RTN4IP1: variants seen among roughly 807,000 people sequenced by gnomAD.
The protein encoded by RTN4IP1 is NAD(P)H oxidoreductase RTN4IP1, mitochondrial.
A neutral mutation model predicts 46.6 loss-of-function variants in RTN4IP1; 32 were observed. The observed-to-expected ratio is 0.69, with a 90% CI of 0.52 to 0.92. The LOEUF (loss-of-function observed/expected upper bound fraction) is 0.92, where lower values mean the gene tolerates loss of function less well. RTN4IP1 is among the 40% of genes least tolerant of loss of function. The pLI, the probability that RTN4IP1 is intolerant of heterozygous loss-of-function variation, is 0.00. For synonymous variants in RTN4IP1, 167 were observed against 161.8 expected (o/e 1.03, Z -0.24); for missense variants, 424 against 485.8 (o/e 0.87, Z 1.20).
rs564927359 is a variant in RTN4IP1 at position 106,592,309 on chromosome 6, C to G, written c.670-9G>C. 2.5e-6 allele frequency: 4 copies of G among 1,599,566 alleles called. No individual in the cohort carries two copies. The highest frequency in any genetic ancestry group is 2.3e-5 in the South Asian group (2 of 87,800). On this transcript the variant is annotated splice_polypyrimidine_tract_variant and intron_variant, in intron 5 of 8. Coordinates refer to ENST00000369063, the MANE Select transcript of RTN4IP1 (RefSeq NM_032730.5). ...TCCCATGCTTTCATTACCTGCCCCC[C>G]ACCAAAAAGAAAAAAAGAATAAAAA... is the stretch of plus-strand genomic sequence containing the variant.
chr6:106,608,252 G>A (rs151007213), intron 4 of RTN4IP1, among the ~76,000 whole-genome samples: 55 of 152,246 alleles, frequency 3.6e-4, no homozygotes, highest in African/African-American at 1.2e-3. Flanking sequence ...TAAATACCAC[G>A]TTTTCACTCA....
intron 4 of RTN4IP1, among the ~76,000 whole-genome samples, chr6:106,614,334 A>G (rs1776297494): frequency 6.6e-6 from 1 of 152,190 alleles, no homozygotes; most frequent in Non-Finnish European, 1.5e-5. Flanking sequence ...CAATTAACTG[A>G]CATTAGGATT....
chr6:106,600,834 C>T lies in RTN4IP1; in HGVS notation c.669+2040G>A, dbSNP rs577100402. Among the ~76,000 whole-genome samples the T allele has an allele frequency of 2.6e-5, 4 of 152,072 alleles. No homozygotes were observed. The South Asian group carries it at 8.3e-4, about 32-fold the overall frequency. On this transcript the variant is annotated intron_variant, in intron 5 of 8. Coordinates refer to ENST00000369063, the MANE Select transcript of RTN4IP1 (RefSeq NM_032730.5). ...CTATACCACATTTTGTTTATCCATT[C>T]ATCAACTGATAGTTATTTCCACTTT...
intron 8 of RTN4IP1, among the ~76,000 whole-genome samples, chr6:106,579,526 T>C (rs994052351): frequency 1.3e-5 from 2 of 152,252 alleles, no homozygotes; most frequent in East Asian, 3.9e-4. Context: ...TTTCAGCTCC[T>C]CTTCACTTTT....
At chr6:106,573,502 C>T (rs1468232977) in intron 8 of RTN4IP1, among the ~76,000 whole-genome samples, 4 of 152,216 alleles carry the variant, frequency 2.6e-5, no homozygotes, top group Non-Finnish European at 4.4e-5. Flanking sequence ...TCACAATAAG[C>T]TCATAATAAA....
In RTN4IP1 at chr6:106,629,465, T is replaced by C. The variant is rs1045081096; in HGVS notation, c.-444A>G. On this transcript the variant is annotated 5_prime_UTR_variant, in exon 1 of 9. Transcript: ENST00000369063. ...GACCCTGGCCCGGAATCTCCTTGCC[T>C]GCCCGCTCTCCTTAGCCGCCGGGAT... 4 of 642,752 alleles carry C rather than the reference T, an allele frequency of 6.2e-6. No individual in the cohort carries two copies. The highest frequency in any genetic ancestry group is 1.8e-5 in the African/African-American group (1 of 54,340). The allele number at this position is 642,752 out of a possible 1,614,324, so 39.8% of individuals were successfully genotyped here.
Position 106,620,348 on chromosome 6 carries a change from G to A in RTN4IP1, c.496-1022C>T, listed in dbSNP as rs371428168. Among the ~76,000 whole-genome samples, 19 of 151,664 alleles carry A rather than the reference G, an allele frequency of 1.3e-4. No individual in the cohort carries two copies. The East Asian group carries it at 1.4e-3, about 11-fold the overall frequency. On this transcript the variant is annotated intron_variant, in intron 3 of 8. Coordinates refer to ENST00000369063, the MANE Select transcript of RTN4IP1 (RefSeq NM_032730.5). The stretch of plus-strand genomic sequence containing the variant: ...TCGAACTCCTGACCTTGTGATCCAC[G>A]CACCTCGGCCTCCCAAAATGCTGGG...
At chr6:106,621,609 C>T in intron 2 of RTN4IP1, 116 bp from the exon 3 acceptor site, 6 of 741,646 alleles carry the variant, frequency 8.1e-6, no homozygotes, top group South Asian at 7.7e-5. Context: ...CAGAAGTCAG[C>T]ACTACACCAA....
intron 1 of RTN4IP1, among the ~76,000 whole-genome samples, chr6:106,626,937 T>C (rs902791279): frequency 6.6e-6 from 1 of 152,230 alleles, no homozygotes; most frequent in African/African-American, 2.4e-5. Context: ...CTATGATTTA[T>C]TATTTTACGT....
rs761745131 is a variant in RTN4IP1, at chr6:106,580,718, C to CAA, written c.1083+2608_1083+2609dup. Among the ~76,000 whole-genome samples the CAA allele has an allele frequency of 1.9e-3, 185 of 99,696 alleles. 3 individuals are homozygous for CAA. Among genetic ancestry groups the CAA allele is most frequent in the Non-Finnish European group, 1.0e-3 (51 of 50,234 alleles). 65.4% of individuals were successfully genotyped at this position (99,696 alleles called of 152,430 possible). On this transcript the variant is annotated intron_variant, in intron 8 of 8. Coordinates refer to ENST00000369063, the MANE Select transcript of RTN4IP1 (RefSeq NM_032730.5). ...TCGGCGACAGAGCAAGACTCTGTCT[C>CAA]AAAGAAAAAAAAAAAAAAACGATCA...
intron 4 of RTN4IP1, among the ~76,000 whole-genome samples, chr6:106,605,683 GGCAGGTGCCTGTA>G (rs1330941091): frequency 6.6e-6 from 1 of 151,674 alleles, no homozygotes; most frequent in Non-Finnish European, 1.5e-5. Context: ...CAGGCATGGT[GGCAGGTGCCTGTA>G]GTCCCAGCTA....
chr6:106,604,852 G>A (rs1410812662), intron 4 of RTN4IP1, among the ~76,000 whole-genome samples: 1 of 152,050 alleles, frequency 6.6e-6, no homozygotes, highest in African/African-American at 2.4e-5. Flanking sequence ...TGACTTCCAT[G>A]CACCTGCACC....
rs901215638 is a variant in RTN4IP1, at chr6:106,629,489, A to G, written c.-468T>C. 1.4e-6 allele frequency: 1 copy of G among 738,684 alleles called. No homozygotes were observed. The highest frequency in any genetic ancestry group is 1.8e-5 in the African/African-American group (1 of 55,836). The allele number at this position is 738,684 out of a possible 1,614,324, so 45.8% of individuals were successfully genotyped here. A position where few individuals can be genotyped will look rare whatever the true frequency, so the allele number is the denominator to read the frequency against. On this transcript the variant is annotated 5_prime_UTR_variant, in exon 1 of 9. Coordinates refer to ENST00000369063, the MANE Select transcript of RTN4IP1 (RefSeq NM_032730.5). ...CTGCCCGCTCTCCTTAGCCGCCGGGATGGCTTTGCGGCGCCAACCAATCGC... is the reference window on the plus strand; with the variant it reads ...CTGCCCGCTCTCCTTAGCCGCCGGGGTGGCTTTGCGGCGCCAACCAATCGC...
At chr6:106,629,673 A>ACGAGGACCATGCTGGGCC (rs1776769149), upstream of RTN4IP1, 1 of 1,604,798 alleles carries the variant, frequency 6.2e-7, no homozygotes, top group East Asian at 2.2e-5. Context: ...CAGGCTGGGC[A>ACGAGGACCATGCTGGGCC]CGAGGACCAT....
intron 1 of RTN4IP1, among the ~76,000 whole-genome samples, chr6:106,624,482 T>A (rs1289776526): frequency 1.3e-5 from 2 of 151,868 alleles, no homozygotes; most frequent in African/African-American, 4.8e-5. Context: ...CTGGAGTAGT[T>A]GGGATTACAG....
intron 4 of RTN4IP1, among the ~76,000 whole-genome samples, chr6:106,610,423 T>C (rs2114666091): frequency 6.6e-6 from 1 of 152,308 alleles, no homozygotes; most frequent in South Asian, 2.1e-4. Flanking sequence ...TGAAGTCTTG[T>C]GGCTCAACTA....
chr6:106,571,275 T>C lies in RTN4IP1; in HGVS notation c.*721A>G, dbSNP rs1175564218. 2.0e-5 allele frequency: 3 copies of C among 152,228 alleles called. No homozygotes were observed. The highest frequency in any genetic ancestry group is 2.9e-5 in the Non-Finnish European group (2 of 68,038). The allele number at this position is 152,228 out of a possible 1,614,324, so 9.4% of individuals were successfully genotyped here. A position where few individuals can be genotyped will look rare whatever the true frequency, so the allele number is the denominator to read the frequency against. On this transcript the variant is annotated 3_prime_UTR_variant, in exon 9 of 9. Coordinates refer to ENST00000369063, the MANE Select transcript of RTN4IP1 (RefSeq NM_032730.5). ...TTTAAGAGCTGTGGTGACCACATTA[T>C]GGTGGAGGAACAAAAAAGGAAACCT...
intron 3 of RTN4IP1, among the ~76,000 whole-genome samples, chr6:106,619,891 G>C (rs866799103): frequency 3.9e-4 from 60 of 151,920 alleles, no homozygotes; most frequent in African/African-American, 1.4e-3. Flanking sequence ...GATTACAGGC[G>C]TAAGCCACCG....
intron 5 of RTN4IP1, among the ~76,000 whole-genome samples, chr6:106,595,248 G>A (rs1451852538): frequency 2.0e-5 from 3 of 152,178 alleles, no homozygotes; most frequent in African/African-American, 7.2e-5. Context: ...TCCACACGTC[G>A]CTCTGTCCTC....
Sources: allele counts gnomAD v4.1 joint callset (sites outside exome capture counted in the v4.1 genomes callset), GRCh38; gene constraint gnomAD v4.1.1; transcripts MANE v1.5; gene names NCBI Gene and HGNC (gene_info 2026-07-23, HGNC 2026-07-21).